Variants in HELZ observed in about 807,000 individuals in gnomAD.
HELZ encodes ATP-dependent RNA helicase with zinc finger domain.
In HELZ, 23 loss-of-function variants were observed where a neutral mutation model predicts 218.2. That is an observed-to-expected ratio of 0.11 (90% CI 0.08 to 0.15). The LOEUF (loss-of-function observed/expected upper bound fraction) is 0.15. HELZ is among the 10% of genes least tolerant of loss of function. HELZ has a pLI of 1.00. For missense variants in HELZ, 1,813 were observed against 2,353.7 expected, an observed-to-expected ratio of 0.77 and a Z score of 4.75; for synonymous variants, 814 against 829.4, an observed-to-expected ratio of 0.98 and a Z score of 0.32.
chr17:67,189,470 A>G (rs954346600), intron 11 of HELZ, 119 bp downstream of exon 11: 2 of 634,882 alleles, frequency 3.2e-6, no homozygotes, highest in African/African-American at 1.8e-5. Context: ...TAGAACCTAT[A>G]TATAATGTAC....
rs561884100 is a variant in HELZ, at chr17:67,196,143, C to T, written c.430-673G>A. ...CTAGAATTATAGGCGTGAGCCACCA[C>T]GCCCGGCTAGAGGTTCCTTTTTCTT... On this transcript the variant is annotated intron_variant, in intron 7 of 32. Transcript: ENST00000358691. 3.9e-5 allele frequency among the ~76,000 whole-genome samples: 6 copies of T among 152,238 alleles called. No homozygotes were observed. In the East Asian group the frequency reaches 5.8e-4, roughly 15 times the overall value.
intron 31 of HELZ, among the ~76,000 whole-genome samples, chr17:67,090,347 G>A (rs1281371459): frequency 1.3e-5 from 2 of 152,116 alleles, no homozygotes; most frequent in Non-Finnish European, 2.9e-5. Flanking sequence ...GATATTCATG[G>A]AAGTGGATCT....
chr17:67,230,330 G>C (rs2143421177), intron 3 of HELZ, among the ~76,000 whole-genome samples: 1 of 152,272 alleles, frequency 6.6e-6, no homozygotes, highest in African/African-American at 2.4e-5. Flanking sequence ...GGGCACAGTG[G>C]CTCATGCCTG....
intron 12 of HELZ, among the ~76,000 whole-genome samples, chr17:67,182,612 T>G (rs533728280): frequency 1.3e-5 from 2 of 152,240 alleles, no homozygotes; most frequent in South Asian, 4.1e-4. Context: ...TGAGATGTGC[T>G]AGGCAAAAAC....
intron 20 of HELZ, among the ~76,000 whole-genome samples, chr17:67,147,340 A>T (rs188950599): frequency 7.2e-4 from 109 of 152,310 alleles, no homozygotes; most frequent in Non-Finnish European, 5.0e-4. Context: ...TTCCTGGCTC[A>T]TAACTACCAC....
chr17:67,103,174 GA>G (rs964931141), intron 31 of HELZ, among the ~76,000 whole-genome samples: 13 of 152,036 alleles, frequency 8.6e-5, no homozygotes, highest in African/African-American at 3.1e-4. Context: ...CATAAAAACA[GA>G]AAAAAATTGG....
At chr17:67,192,677 T>G (rs543846685) in intron 9 of HELZ, among the ~76,000 whole-genome samples, 1 of 152,188 alleles carries the variant, frequency 6.6e-6, no homozygotes, top group Non-Finnish European at 1.5e-5. Flanking sequence ...TACTTACACA[T>G]TAGTTTCCTG....
chr17:67,245,411 G>T (rs2041457176), upstream of HELZ: 48 of 880,388 alleles, frequency 5.5e-5, no homozygotes, highest in Non-Finnish European at 6.5e-5. Context: ...TGGCTTTGGG[G>T]TTTTCTCCCT....
intron 3 of HELZ, among the ~76,000 whole-genome samples, chr17:67,221,293 C>G (rs2040739037): frequency 6.6e-6 from 1 of 152,150 alleles, no homozygotes. Context: ...AATATGTCTC[C>G]AGTAAATGTC....
Position 67,108,441 on chromosome 17 carries a change from G to A in HELZ, c.4724+51C>T. Reference sequence around the variant, plus strand: ...CTAAAAGGACTACAGTCAAAAAAGAGAACAGTGAGGGGGTCGCATTCCAGG... The same window carrying A: ...CTAAAAGGACTACAGTCAAAAAAGAAAACAGTGAGGGGGTCGCATTCCAGG... On this transcript the variant is annotated intron_variant, in intron 30 of 32. Transcript: ENST00000358691. This position sits in a 1 kb window ranked among gnomAD's most constrained non-coding sequence, Gnocchi z 4.1. 1 of 1,379,334 alleles carries A rather than the reference G, an allele frequency of 7.2e-7. No homozygotes were observed. The highest frequency in any genetic ancestry group is 1.0e-6 in the Non-Finnish European group (1 of 972,776). The allele number at this position is 1,379,334 out of a possible 1,614,324, so 85.4% of individuals were successfully genotyped here.
intron 3 of HELZ, among the ~76,000 whole-genome samples, chr17:67,232,484 T>A (rs1197937471): frequency 6.6e-6 from 1 of 152,196 alleles, no homozygotes; most frequent in East Asian, 1.9e-4. Context: ...AGCAATAAGT[T>A]TTCATTGTCA....
intron 13 of HELZ, among the ~76,000 whole-genome samples, chr17:67,174,245 A>G (rs2039390400): frequency 6.6e-6 from 1 of 151,970 alleles, no homozygotes; most frequent in African/African-American, 2.4e-5. Flanking sequence ...GTCTCAAACC[A>G]AAATGTATTT....
At chr17:67,089,668 T>TATATATATAGAGAGAGAGAGAGAG (rs71293575) in intron 31 of HELZ, among the ~76,000 whole-genome samples, 29 of 70,626 alleles carry the variant, frequency 4.1e-4, no homozygotes, top group Non-Finnish European at 6.2e-4. Flanking sequence ...TATATATATA[T>TATATATATAGAGAGAGAGAGAGAG]AGAGAGAGAG....
In HELZ at chr17:67,073,573, C is replaced by T. The variant is rs149912298; in HGVS notation, c.*4679G>A. 1 of 152,182 alleles carries T rather than the reference C, an allele frequency of 6.6e-6. No individual in the cohort carries two copies. The highest frequency in any genetic ancestry group is 1.9e-4 in the East Asian group (1 of 5,198). 9.4% of individuals were successfully genotyped at this position (152,182 alleles called of 1,614,324 possible). On this transcript the variant is annotated 3_prime_UTR_variant, in exon 33 of 33. Transcript: ENST00000358691. ...CGGAACTGGGTTTGGTATTTAACCA[C>T]AGTTCACATTTCTAAGTCTAGATTC...
intron 17 of HELZ, among the ~76,000 whole-genome samples, chr17:67,152,961 A>C (rs1378151077): frequency 2.0e-5 from 3 of 152,132 alleles, no homozygotes; most frequent in African/African-American, 7.2e-5. Context: ...TGCTGCTAAG[A>C]GGCTACGTAA....
chr17:67,108,589 G>T lies in HELZ; in HGVS notation c.4627C>A (p.Leu1543Ile), dbSNP rs2037179377. The change falls in exon 30 of 33, where the codon CTT (leucine) becomes ATT (isoleucine). Residue 1543 changes from leucine to isoleucine, a missense_variant. By Grantham distance (5) the Leu-to-Ile change is conservative. Transcript: ENST00000358691. This position sits in a 1 kb window ranked among gnomAD's most constrained non-coding sequence, Gnocchi z 4.1. ...PHHHHPHLQH[L>I]PQPPLGLHQP... ...TGTAATCCCAGGGGCGGCTGAGGAA[G>T]ATGCTGGAGGTGAGGATGGTGATGG... 1 of 1,614,036 alleles carries T rather than the reference G, an allele frequency of 6.2e-7. No individual in the cohort carries two copies. The highest frequency in any genetic ancestry group is 1.7e-5 in the Admixed American group (1 of 60,006).
chr17:67,129,753 C>A (rs181939287), intron 23 of HELZ, among the ~76,000 whole-genome samples: 1 of 151,804 alleles, frequency 6.6e-6, no homozygotes, highest in African/African-American at 2.4e-5. Context: ...ATTTACATAC[C>A]GTTGTTTCTA....
At chr17:67,160,062 T>C (rs1358558615) in intron 17 of HELZ, among the ~76,000 whole-genome samples, 199 bp downstream of exon 17, 1 of 150,426 alleles carries the variant, frequency 6.6e-6, no homozygotes, top group Non-Finnish European at 1.5e-5. Flanking sequence ...GTCTTTCTCT[T>C]ACTTAATGTT....
At chr17:67,245,269 C>T (rs2041452761), upstream of HELZ, 2 of 954,142 alleles carry the variant, frequency 2.1e-6, no homozygotes, top group Admixed American at 6.2e-5. Context: ...CCGCCGCCGG[C>T]GCCGCCCCCT....
Sources: allele counts gnomAD v4.1 joint callset (sites outside exome capture counted in the v4.1 genomes callset), GRCh38; gene constraint gnomAD v4.1.1; non-coding constraint Gnocchi (gnomAD v3.1); transcripts MANE v1.5; gene names NCBI Gene and HGNC (gene_info 2026-07-23, HGNC 2026-07-21).